Variants in CAB39L observed in about 807,000 individuals in gnomAD.
The protein encoded by CAB39L is calcium binding protein 39 like.
Under a neutral mutation model 39.1 loss-of-function variants are expected in CAB39L, and 23 were observed. That is an observed-to-expected ratio of 0.59 (90% CI 0.42 to 0.83). The LOEUF (loss-of-function observed/expected upper bound fraction) is 0.83. CAB39L is among the 40% of genes least tolerant of loss of function. CAB39L has a pLI of 0.00. For synonymous variants in CAB39L, 126 were observed against 137.2 expected (o/e 0.92, Z 0.57); for missense variants, 366 against 391.9 (o/e 0.93, Z 0.56).
At chr13:49,409,461 A>C (rs1956945292) in intron 3 of CAB39L, among the ~76,000 whole-genome samples, 3 of 152,172 alleles carry the variant, frequency 2.0e-5, no homozygotes, top group South Asian at 4.2e-4. Context: ...AAAAAAAAAA[A>C]AAAAACCTTT....
At chr13:49,354,001 A>G (rs898168122) in intron 6 of CAB39L, among the ~76,000 whole-genome samples, 23 of 152,232 alleles carry the variant, frequency 1.5e-4, no homozygotes, top group African/African-American at 5.3e-4. Context: ...TCTGACGTAT[A>G]CAAAATATGC....
At chr13:49,409,273 A>G (rs1235019209) in intron 3 of CAB39L, among the ~76,000 whole-genome samples, 1 of 152,136 alleles carries the variant, frequency 6.6e-6, no homozygotes, top group Non-Finnish European at 1.5e-5. Context: ...CCATGCCTAG[A>G]ACACTGTATG....
chr13:49,443,083 T>A (rs1488011517), intron 1 of CAB39L, among the ~76,000 whole-genome samples: 7 of 116,518 alleles, frequency 6.0e-5, no homozygotes, highest in South Asian at 2.9e-4. Flanking sequence ...ACAACAATGC[T>A]AAAAAAAAAA....
intron 10 of CAB39L, among the ~76,000 whole-genome samples, chr13:49,316,527 C>A (rs925274248): frequency 1.3e-5 from 2 of 152,114 alleles, no homozygotes; most frequent in African/African-American, 4.8e-5. Flanking sequence ...CACAAAAAAA[C>A]TACATACCAG....
intron 3 of CAB39L, among the ~76,000 whole-genome samples, chr13:49,387,315 A>C (rs565433686): frequency 6.6e-6 from 1 of 152,338 alleles, no homozygotes; most frequent in African/African-American, 2.4e-5. Flanking sequence ...TGTGGGGATA[A>C]GGTGGCAGGA....
intron 3 of CAB39L, among the ~76,000 whole-genome samples, chr13:49,423,540 A>T (rs1957202922): frequency 6.6e-6 from 1 of 152,044 alleles, no homozygotes; most frequent in Non-Finnish European, 1.5e-5. Flanking sequence ...CAACAGAGAA[A>T]CACTCCCATC....
intron 7 of CAB39L, among the ~76,000 whole-genome samples, chr13:49,346,145 A>G (rs1955168629): frequency 8.8e-6 from 1 of 114,262 alleles, no homozygotes; most frequent in Non-Finnish European, 1.8e-5. Context: ...GCCAATAAAC[A>G]ATGCACACAT....
intron 5 of CAB39L, among the ~76,000 whole-genome samples, chr13:49,364,390 C>T (rs1474170814): frequency 3.3e-5 from 5 of 151,786 alleles, no homozygotes; most frequent in Non-Finnish European, 5.9e-5. Context: ...AGATTTGGAG[C>T]ATGACAACTT....
chr13:49,369,306 T>G (rs1481855529), intron 5 of CAB39L, among the ~76,000 whole-genome samples: 1 of 152,188 alleles, frequency 6.6e-6, no homozygotes, highest in African/African-American at 2.4e-5. Context: ...ACTGGAAATA[T>G]GTAAAATATC....
intron 9 of CAB39L, among the ~76,000 whole-genome samples, chr13:49,333,442 T>C (rs1192977480): frequency 2.6e-5 from 4 of 152,150 alleles, no homozygotes; most frequent in Non-Finnish European, 5.9e-5. Context: ...TGCTATCTTT[T>C]ATCTCCCAAC....
intron 10 of CAB39L, among the ~76,000 whole-genome samples, chr13:49,330,544 G>A (rs1954662037): frequency 6.6e-6 from 1 of 152,164 alleles, no homozygotes; most frequent in South Asian, 2.1e-4. Flanking sequence ...AGAATTGCTT[G>A]AGCCTAGGAA....
At chr13:49,316,264 A>G (rs1055177776) in intron 10 of CAB39L, among the ~76,000 whole-genome samples, 1 of 152,206 alleles carries the variant, frequency 6.6e-6, no homozygotes, top group African/African-American at 2.4e-5. Flanking sequence ...ATTCCTAGAA[A>G]CATGCAGACT....
chr13:49,361,477 C>CAAAAAAAAAAAA (rs33984866), intron 5 of CAB39L, among the ~76,000 whole-genome samples: 19 of 54,438 alleles, frequency 3.5e-4, no homozygotes, highest in South Asian at 1.1e-3. Flanking sequence ...GACTTCATCT[C>CAAAAAAAAAAAA]AAAAAAAAAA....
At chr13:49,426,055 C>T (rs1739705462) in intron 3 of CAB39L, among the ~76,000 whole-genome samples, 1 of 152,118 alleles carries the variant, frequency 6.6e-6, no homozygotes, top group Non-Finnish European at 1.5e-5. Flanking sequence ...TTGTGGGGGT[C>T]CTAGGAATCT....
At chr13:49,360,728 C>T (rs538364612) in intron 5 of CAB39L, among the ~76,000 whole-genome samples, 185 of 152,218 alleles carry the variant, frequency 1.2e-3, no homozygotes, top group African/African-American at 3.9e-3. Flanking sequence ...GGTGGTTTCC[C>T]TCATGCTGTT....
At chr13:49,318,304 C>T (rs1566404311) in intron 10 of CAB39L, among the ~76,000 whole-genome samples, 2 of 150,368 alleles carry the variant, frequency 1.3e-5, no homozygotes, top group African/African-American at 2.5e-5. Flanking sequence ...CCTGTCTCCA[C>T]AAAAAATTAA....
At chr13:49,363,864 T>A (rs376410291) in intron 5 of CAB39L, among the ~76,000 whole-genome samples, 2 of 136,816 alleles carry the variant, frequency 1.5e-5, no homozygotes, top group South Asian at 4.6e-4. Context: ...AGACACAGAA[T>A]GGCTGAATGG....
intron 3 of CAB39L, among the ~76,000 whole-genome samples, chr13:49,431,196 T>C (rs1957316588): frequency 1.3e-5 from 2 of 152,200 alleles, no homozygotes; most frequent in African/African-American, 4.8e-5. Flanking sequence ...TTGATATGCT[T>C]CCATTGCAAT....
intron 3 of CAB39L, among the ~76,000 whole-genome samples, chr13:49,398,505 C>T (rs372659238): frequency 6.6e-6 from 1 of 151,836 alleles, no homozygotes; most frequent in East Asian, 1.9e-4. Context: ...TGTTAAGAAC[C>T]TATTATATAC....
Sources: gnomAD v4.1 joint callset for allele counts (sites outside exome capture counted in the v4.1 genomes callset) on GRCh38, gnomAD v4.1.1 for gene constraint, MANE v1.5 for transcripts, NCBI Gene and HGNC (gene_info 2026-07-23, HGNC 2026-07-21) for gene names.